FAM47E: variants seen among roughly 807,000 people sequenced by gnomAD.
FAM47E encodes protein FAM47E.
Under a neutral mutation model 41.6 loss-of-function variants are expected in FAM47E, and 32 were observed. The ratio of observed to expected loss-of-function variants is 0.77; its 90% CI spans 0.58 to 1.03. The LOEUF (loss-of-function observed/expected upper bound fraction) is 1.03. FAM47E is among the 50% of genes least tolerant of loss of function. The pLI, the probability that FAM47E is intolerant of heterozygous loss-of-function variation, is 0.00. For missense variants in FAM47E, 424 were observed against 485.4 expected (o/e 0.87, Z 1.19); for synonymous variants, 184 against 188.7 (o/e 0.98, Z 0.20).
intron 2 of FAM47E, among the ~76,000 whole-genome samples, chr4:76,245,720 T>C (rs567186193): frequency 1.3e-5 from 2 of 152,282 alleles, no homozygotes; most frequent in African/African-American, 4.8e-5. Context: ...AATGTATCCC[T>C]ACATCCCATC....
At chr4:76,247,595 A>G (rs1733854580), upstream of FAM47E, among the ~76,000 whole-genome samples, 1 of 149,650 alleles carries the variant, frequency 6.7e-6, no homozygotes, top group Non-Finnish European at 1.5e-5. Flanking sequence ...CCTCACCAAC[A>G]CTTGTTATTT....
At chr4:76,215,201 A>G (rs973272206) in intron 1 of FAM47E, among the ~76,000 whole-genome samples, 3 of 152,206 alleles carry the variant, frequency 2.0e-5, no homozygotes, top group African/African-American at 7.2e-5. Context: ...CAGTTATGCT[A>G]TCTACACTGC....
At chr4:76,255,796 C>A (rs1465232333) in intron 1 of FAM47E, among the ~76,000 whole-genome samples, 3 of 152,116 alleles carry the variant, frequency 2.0e-5, no homozygotes, top group Non-Finnish European at 4.4e-5. Flanking sequence ...AAACAAGAAG[C>A]AGAATAGTGC....
chr4:76,278,985 T>C (rs1735240476), intron 6 of FAM47E: 1 of 152,184 alleles, frequency 6.6e-6, no homozygotes, highest in Non-Finnish European at 1.5e-5. Flanking sequence ...TAAAATACAA[T>C]ACAAATTAGA....
At chr4:76,249,831 G>A (rs1245324609), upstream of FAM47E, among the ~76,000 whole-genome samples, 1 of 151,928 alleles carries the variant, frequency 6.6e-6, no homozygotes, top group African/African-American at 2.4e-5. Flanking sequence ...TTAGAATAAT[G>A]GTCTCCAGTT....
At chr4:76,241,349 GT>G (rs1210519632) in intron 2 of FAM47E, among the ~76,000 whole-genome samples, 1 of 152,182 alleles carries the variant, frequency 6.6e-6, no homozygotes, top group Non-Finnish European at 1.5e-5. Flanking sequence ...AGGAGGTGGA[GT>G]TTGCCACAAT....
upstream of FAM47E, among the ~76,000 whole-genome samples, chr4:76,248,043 T>C (rs1248804887): frequency 6.7e-6 from 1 of 148,700 alleles, no homozygotes; most frequent in Non-Finnish European, 1.5e-5. Flanking sequence ...GCCTCCCAAG[T>C]AGCTGGGACT....
At position 76,263,835 on chromosome 4, in the gene FAM47E, C is replaced by G; in HGVS notation, c.552C>G (p.Tyr184Ter). The G allele has an allele frequency of 6.4e-7, 1 of 1,551,214 alleles. No individual in the cohort carries two copies. The highest frequency in any genetic ancestry group is 2.4e-5 in the East Asian group (1 of 40,920). ...TAAAAAAACATTCTACCCAAGTCTA[C>G]CTGGGACCGTGAGTATTGTTCTTAA... ...KLLKKHSTQV[Y>*]LGPSKKTSVS... is the part of the protein sequence containing the mutation. Residue 184 changes from tyrosine to a stop codon, truncating the protein, a stop_gained, in exon 3 of 8, where the codon TAC (tyrosine) becomes TAG (stop). Coordinates refer to ENST00000424749, the MANE Select transcript of FAM47E (RefSeq NM_001136570.3). LOFTEE classifies it high-confidence loss of function.
chr4:76,229,647 C>T (rs1342302343), intron 2 of FAM47E, among the ~76,000 whole-genome samples: 2 of 152,188 alleles, frequency 1.3e-5, no homozygotes, highest in African/African-American at 2.4e-5. Context: ...TACCAGGCTC[C>T]AGGCTGGTGC....
At chr4:76,241,939 G>T (rs1184253165) in intron 2 of FAM47E, among the ~76,000 whole-genome samples, 2 of 152,164 alleles carry the variant, frequency 1.3e-5, no homozygotes, top group Admixed American at 6.5e-5. Context: ...CATCTGAGCA[G>T]CTTGAGGGCT....
intron 2 of FAM47E, 55 bp from the exon 3 acceptor site, chr4:76,263,649 G>T: frequency 6.5e-7 from 1 of 1,531,162 alleles, no homozygotes; most frequent in African/African-American, 1.4e-5. Context: ...GTAGAATGGG[G>T]ACTCCCTTCT....
chr4:76,232,645 T>G (rs1051223230), intron 2 of FAM47E, among the ~76,000 whole-genome samples: 10 of 152,178 alleles, frequency 6.6e-5, no homozygotes, highest in Non-Finnish European at 1.5e-4. Flanking sequence ...AAATATAACC[T>G]AAACAAGATT....
At position 76,271,617 on chromosome 4, in the gene FAM47E, A is replaced by C; in HGVS notation, c.719A>C (p.Asp240Ala). 1 of 1,552,204 alleles carries C rather than the reference A, an allele frequency of 6.4e-7. No homozygotes were observed. Among genetic ancestry groups the C allele is most frequent in the Non-Finnish European group, 8.7e-7 (1 of 1,147,100 alleles). ...TTCATCTTGAAACAGTTTGACATTG[A>C]CTATGAGACCAAACCAAGCCATGAT... ...EEFILKQFDIDYETKPSHDAL... is the reference protein window; with the variant it reads ...EEFILKQFDIAYETKPSHDAL... Residue 240 changes from aspartate (D) to alanine (A), a missense_variant, in exon 5 of 8, where the codon GAC becomes GCC. Transcript: ENST00000424749.
chr4:76,234,333 A>C (rs77332139), intron 2 of FAM47E: 8,076 of 152,790 alleles, frequency 0.053, 250 homozygotes, highest in Middle Eastern at 0.088. Flanking sequence ...GGGGGTCAAA[A>C]ATGTTGCAGG....
chr4:76,218,391 T>A (rs891014941), intron 2 of FAM47E, among the ~76,000 whole-genome samples: 1 of 152,232 alleles, frequency 6.6e-6, no homozygotes, highest in Non-Finnish European at 1.5e-5. Context: ...TTTATGCAGA[T>A]AGGCTTACAT....
chr4:76,214,954 T>C (rs1733172691), intron 1 of FAM47E, among the ~76,000 whole-genome samples: 2 of 152,220 alleles, frequency 1.3e-5, no homozygotes, highest in South Asian at 2.1e-4. Context: ...GCATTTGATA[T>C]ATATACAGTC....
rs181264254 is a variant in FAM47E at position 76,266,814 on chromosome 4, C to T, written c.561-1846C>T. ...CTACTATTCTACTCTTTAATTACTC[C>T]GCTCCACGGGACTTTGTGTTCTTTG... On this transcript the variant is annotated intron_variant, in intron 3 of 7. Transcript: ENST00000424749. Among the ~76,000 whole-genome samples the T allele has an allele frequency of 2.0e-4, 30 of 152,314 alleles. No homozygotes were observed. In the South Asian group the frequency reaches 2.1e-3, roughly 11 times the overall value.
rs76488422 is a variant in FAM47E, at chr4:76,237,376, TG to T, written c.81+19689del. ...GTTTTTTTTTTTTTGTTTGTTTGTT[TG>T]TTTTTTTTTTGGTTTACAAGGTAAA... is the stretch of plus-strand genomic sequence containing the variant. On this transcript the variant is annotated intron_variant, in intron 2 of 7. Coordinates refer to the FAM47E transcript ENST00000510197. Among the ~76,000 whole-genome samples, 1,465 of 147,540 alleles carry T rather than the reference TG, an allele frequency of 9.9e-3. 26 individuals are homozygous for T. The highest frequency in any genetic ancestry group is 0.031 in the African/African-American group (1,270 of 40,340).
chr4:76,248,796 G>GTCTCTCTC (rs35402896), upstream of FAM47E, among the ~76,000 whole-genome samples: 5 of 149,338 alleles, frequency 3.3e-5, no homozygotes, highest in South Asian at 6.3e-4. Context: ...GAATCTCTCA[G>GTCTCTCTC]TCTCTCTCTC....
Sources: allele counts gnomAD v4.1 joint callset (sites outside exome capture counted in the v4.1 genomes callset), GRCh38; gene constraint gnomAD v4.1.1; transcripts MANE v1.5; gene names NCBI Gene and HGNC (gene_info 2026-07-23, HGNC 2026-07-21).